SMOC1: variants seen among roughly 807,000 people sequenced by gnomAD.
SMOC1 encodes SPARC-related modular calcium-binding protein 1.
A neutral mutation model predicts 56.3 loss-of-function variants in SMOC1; 22 were observed. That is an observed-to-expected ratio of 0.39 (90% CI 0.28 to 0.56). The LOEUF (loss-of-function observed/expected upper bound fraction) is 0.56, where lower values mean the gene tolerates loss of function less well. SMOC1 is among the 20% of genes least tolerant of loss of function. The pLI, the probability that SMOC1 is intolerant of heterozygous loss-of-function variation, is 0.61. For missense variants in SMOC1, 509 were observed against 565.4 expected, an observed-to-expected ratio of 0.90 and a Z score of 1.01; for synonymous variants, 193 against 215.0, an observed-to-expected ratio of 0.90 and a Z score of 0.89.
chr14:69,995,760 T>C (rs1884739996), intron 7 of SMOC1, among the ~76,000 whole-genome samples: 1 of 152,200 alleles, frequency 6.6e-6, no homozygotes, highest in Admixed American at 6.5e-5. Flanking sequence ...GTACATATAT[T>C]TATTATTATC....
intron 5 of SMOC1, among the ~76,000 whole-genome samples, chr14:69,982,423 G>T (rs1054824289): frequency 6.6e-6 from 1 of 152,110 alleles, no homozygotes; most frequent in Non-Finnish European, 1.5e-5. Context: ...TTTAGAGCTG[G>T]GTCTACAGGT....
In SMOC1 at chr14:70,011,384, T is replaced by C. The variant is rs1885331551; in HGVS notation, c.858-101T>C. On this transcript the variant is annotated intron_variant, in intron 8 of 11. Transcript: ENST00000361956. ...ATATCGTTCTGCCCACCCTCAGTGC[T>C]TTAGGCTTGGTGACAACATAGATCA... 3 of 1,176,724 alleles carry C rather than the reference T, an allele frequency of 2.5e-6. No individual in the cohort carries two copies. The Admixed American group carries it at 5.1e-5, about 20-fold the overall frequency. The allele number at this position is 1,176,724 out of a possible 1,614,324, so 72.9% of individuals were successfully genotyped here. A position where few individuals can be genotyped will look rare whatever the true frequency, so the allele number is the denominator to read the frequency against.
chr14:69,954,162 T>C (rs187130178), intron 3 of SMOC1, among the ~76,000 whole-genome samples: 2 of 150,924 alleles, frequency 1.3e-5, no homozygotes, highest in African/African-American at 4.9e-5. Flanking sequence ...AGACTATTTC[T>C]TTTTTCTTCT....
rs370202226 is a variant in SMOC1 at position 69,948,319 on chromosome 14, C to T, written c.100-3819C>T. 2.0e-5 allele frequency among the ~76,000 whole-genome samples: 3 copies of T among 152,236 alleles called. No individual in the cohort carries two copies. In the South Asian group the frequency reaches 6.2e-4, roughly 32 times the overall value. ...AATTGATTGAAGATTGTCAATGACC[C>T]CATGCTATCTCTGAACTTTTTATTT... On this transcript the variant is annotated intron_variant, in intron 1 of 11. Transcript: ENST00000361956.
rs76219511 is a variant in SMOC1 at position 69,980,347 on chromosome 14, C to T, written c.526+2382C>T. ...TTCCTCCAAGATGGCTCTGCAGAGG[C>T]TTCCTCTTTGGTGCAAAGGTCAGGA... On this transcript the variant is annotated intron_variant, in intron 5 of 11. Transcript: ENST00000361956. Among the ~76,000 whole-genome samples, 1,310 of 152,324 alleles carry T rather than the reference C, an allele frequency of 8.6e-3. 19 individuals carry two copies. Among genetic ancestry groups the T allele is most frequent in the African/African-American group, 0.031 (1,278 of 41,570 alleles).
chr14:69,922,649 G>C (rs1253448168), intron 1 of SMOC1, among the ~76,000 whole-genome samples: 1 of 152,180 alleles, frequency 6.6e-6, no homozygotes, highest in Non-Finnish European at 1.5e-5. Flanking sequence ...ATGATAACCT[G>C]TATGCTGCCA....
chr14:70,024,509 G>T (rs1445654631), intron 11 of SMOC1, among the ~76,000 whole-genome samples: 1 of 152,094 alleles, frequency 6.6e-6, no homozygotes, highest in East Asian at 1.9e-4. Context: ...TTACTATTTA[G>T]TCTCTTGCAG....
chr14:70,025,584 G>A (rs1885896126), intron 11 of SMOC1, among the ~76,000 whole-genome samples: 1 of 152,136 alleles, frequency 6.6e-6, no homozygotes, highest in African/African-American at 2.4e-5. Flanking sequence ...CACTACATGC[G>A]GCTTGAGTGT....
In SMOC1 at chr14:69,994,498, G is replaced by T. The variant is rs773142470; in HGVS notation, c.664+18G>T. The T allele has an allele frequency of 1.6e-5, 25 of 1,585,620 alleles. No homozygotes were observed. The highest frequency in any genetic ancestry group is 2.1e-5 in the Non-Finnish European group (24 of 1,154,930). ...AAATTCAGGTAAATAACCTTCCTTG[G>T]ATTATATATGTACCCAGTCCATCCT... On this transcript the variant is annotated intron_variant, in intron 7 of 11. Transcript: ENST00000361956.
intron 10 of SMOC1, among the ~76,000 whole-genome samples, chr14:70,016,409 G>C (rs1885515017): frequency 6.6e-6 from 1 of 152,152 alleles, no homozygotes; most frequent in Non-Finnish European, 1.5e-5. Context: ...ATGAAGACTT[G>C]AACTGCCTTT....
chr14:69,907,970 G>C (rs1050996739), intron 1 of SMOC1, among the ~76,000 whole-genome samples: 1 of 152,082 alleles, frequency 6.6e-6, no homozygotes, highest in Non-Finnish European at 1.5e-5. Flanking sequence ...CCTCCCAAAG[G>C]CCTCCTAATA....
At chr14:69,919,019 G>A (rs940242693) in intron 1 of SMOC1, among the ~76,000 whole-genome samples, 9 of 152,200 alleles carry the variant, frequency 5.9e-5, no homozygotes, top group Middle Eastern at 3.4e-3. Context: ...CTGCTTCTCC[G>A]GAGTTTTAGC....
At chr14:69,954,750 A>G (rs1389378141) in intron 3 of SMOC1, among the ~76,000 whole-genome samples, 1 of 152,138 alleles carries the variant, frequency 6.6e-6, no homozygotes, top group Admixed American at 6.5e-5. Flanking sequence ...CATTTGGGGG[A>G]ATCCTGTTGT....
At chr14:69,962,283 C>G (rs1044340389) in intron 3 of SMOC1, among the ~76,000 whole-genome samples, 1 of 152,066 alleles carries the variant, frequency 6.6e-6, no homozygotes, top group South Asian at 2.1e-4. Flanking sequence ...CTGACTCAGC[C>G]TCTGGAATTG....
intron 3 of SMOC1, among the ~76,000 whole-genome samples, chr14:69,969,872 G>A (rs941849541): frequency 5.9e-5 from 9 of 152,116 alleles, no homozygotes; most frequent in Admixed American, 2.0e-4. Flanking sequence ...CAGAACACAA[G>A]CTGCATTCAT....
intron 7 of SMOC1, among the ~76,000 whole-genome samples, chr14:70,007,285 A>C (rs773174340): frequency 1.3e-5 from 2 of 152,220 alleles, no homozygotes; most frequent in Non-Finnish European, 2.9e-5. Context: ...GAAGTGAGTT[A>C]ATACACATAG....
At chr14:69,887,655 C>G (rs1369328153) in intron 1 of SMOC1, among the ~76,000 whole-genome samples, 1 of 152,190 alleles carries the variant, frequency 6.6e-6, no homozygotes, top group African/African-American at 2.4e-5. Context: ...TAAAATAACC[C>G]CACTGGGGAG....
intron 5 of SMOC1, among the ~76,000 whole-genome samples, chr14:69,981,774 C>A (rs566059915): frequency 6.6e-6 from 1 of 152,310 alleles, no homozygotes; most frequent in South Asian, 2.1e-4. Context: ...TATCCTGCAG[C>A]AGCTTTACCT....
chr14:69,953,634 A>G (rs1325387875), intron 3 of SMOC1, 102 bp downstream of exon 3: 13 of 940,816 alleles, frequency 1.4e-5, no homozygotes, highest in Non-Finnish European at 2.3e-5. Context: ...TTTCTGGGAA[A>G]CAGTTGAGTG....
Sources: allele counts gnomAD v4.1 joint callset (sites outside exome capture counted in the v4.1 genomes callset), GRCh38; gene constraint gnomAD v4.1.1; transcripts MANE v1.5; gene names NCBI Gene and HGNC (gene_info 2026-07-23, HGNC 2026-07-21).